Variants in RSL24D1 observed in about 807,000 individuals in gnomAD.
RSL24D1 encodes the protein probable ribosome biogenesis protein RLP24.
Under a neutral mutation model 26.2 loss-of-function variants are expected in RSL24D1, and 6 were observed. The ratio of observed to expected loss-of-function variants is 0.23; its 90% CI spans 0.13 to 0.45. The LOEUF (loss-of-function observed/expected upper bound fraction) is 0.45, where lower values mean the gene tolerates loss of function less well. Ranked by LOEUF, RSL24D1 falls within the 20% of genes least tolerant of loss-of-function variation. The pLI is 0.99. For synonymous variants in RSL24D1, 61 were observed against 59.1 expected (o/e 1.03, Z -0.15); for missense variants, 176 against 202.6 (o/e 0.87, Z 0.80).
At position 55,196,883 on chromosome 15, in the gene RSL24D1, A is replaced by C; in HGVS notation, c.8T>G (p.Ile3Ser). The C allele has an allele frequency of 6.2e-7, 1 of 1,614,196 alleles. No homozygotes were observed. The highest frequency in any genetic ancestry group is 1.1e-5 in the South Asian group (1 of 91,084). The change falls in exon 1 of 6, where the codon ATC (isoleucine) becomes AGC (serine). Residue 3 changes from isoleucine (I) to serine (S), a missense_variant. Transcript: ENST00000260443. ...CCCCGAACAGAAATAACACTTTTCG[A>C]TACGCATGTTGAACCCGCGTGTAAC... The part of the protein sequence containing the change: MR[I>S]EKCYFCSGPI...
intron 3 of RSL24D1, among the ~76,000 whole-genome samples, chr15:55,188,045 T>C (rs1894242284): frequency 1.3e-5 from 2 of 152,248 alleles, no homozygotes; most frequent in African/African-American, 4.8e-5. Context: ...TCTAACATAC[T>C]ACTGTTTCTA....
In RSL24D1 at chr15:55,196,937, G is replaced by A. The variant is rs979110754; in HGVS notation, c.-47C>T. 4.4e-6 allele frequency: 7 copies of A among 1,580,460 alleles called. No individual in the cohort carries two copies. The highest frequency in any genetic ancestry group is 1.1e-5 in the South Asian group (1 of 90,156). On this transcript the variant is annotated 5_prime_UTR_variant, in exon 1 of 6. Coordinates refer to ENST00000260443, the MANE Select transcript of RSL24D1 (RefSeq NM_016304.3). The stretch of plus-strand genomic sequence containing the variant: ...ACCAAACAAACGCCAAGCTTGAGAG[G>A]AAGTGATGCAACCCCGTCACCGGAA...
At chr15:55,195,351 T>G (rs1355592273) in intron 1 of RSL24D1, 1 of 152,206 alleles carries the variant, frequency 6.6e-6, no homozygotes, top group Non-Finnish European at 1.5e-5. Context: ...TCAGGAGATT[T>G]AGGTTTGGAA....
intron 1 of RSL24D1, chr15:55,196,562 C>A: frequency 1.7e-6 from 1 of 588,454 alleles, no homozygotes. Flanking sequence ...TGGGATCGCT[C>A]CTGAAGTTCC....
At chr15:55,186,692 TA>T (rs572684537) in intron 3 of RSL24D1, among the ~76,000 whole-genome samples, 74 of 152,302 alleles carry the variant, frequency 4.9e-4, no homozygotes, top group African/African-American at 1.7e-3. Context: ...AATTTTGCTA[TA>T]AAGGATATTA....
intron 5 of RSL24D1, among the ~76,000 whole-genome samples, chr15:55,182,470 C>T (rs896956003): frequency 6.6e-6 from 1 of 152,114 alleles, no homozygotes; most frequent in Non-Finnish European, 1.5e-5. Context: ...AAAACTGAGG[C>T]TCAAAGACAG....
At chr15:55,196,675 A>T in intron 1 of RSL24D1, 135 bp downstream of exon 1, 4 of 771,102 alleles carry the variant, frequency 5.2e-6, no homozygotes, top group Non-Finnish European at 8.6e-6. Flanking sequence ...AGGCCCAGTT[A>T]AGCCACCCTC....
chr15:55,189,193 CA>C (rs11320888), intron 3 of RSL24D1, among the ~76,000 whole-genome samples: 10,115 of 66,470 alleles, frequency 0.15, 423 homozygotes, highest in African/African-American at 0.27. Context: ...ACTCCCATCT[CA>C]AAAAAAAAAA....
chr15:55,195,853 G>C (rs1894349551), intron 1 of RSL24D1, among the ~76,000 whole-genome samples: 1 of 152,162 alleles, frequency 6.6e-6, no homozygotes, highest in South Asian at 2.1e-4. Flanking sequence ...GAAGAAGTCA[G>C]ACTTGTAATT....
At chr15:55,188,566 T>C (rs1170266992) in intron 3 of RSL24D1, among the ~76,000 whole-genome samples, 1 of 152,206 alleles carries the variant, frequency 6.6e-6, no homozygotes, top group African/African-American at 2.4e-5. Flanking sequence ...TTCATCTTTG[T>C]ATGCCACAGG....
At chr15:55,189,467 A>G (rs1267189632) in intron 3 of RSL24D1, among the ~76,000 whole-genome samples, 1 of 152,232 alleles carries the variant, frequency 6.6e-6, no homozygotes, top group African/African-American at 2.4e-5. Flanking sequence ...AGGGCTAAGT[A>G]CAGAAAAGGC....
intron 3 of RSL24D1, among the ~76,000 whole-genome samples, chr15:55,188,099 A>C (rs1477324149): frequency 1.3e-5 from 2 of 152,184 alleles, no homozygotes; most frequent in African/African-American, 4.8e-5. Context: ...CCATATCCTC[A>C]CACAATTTGA....
At chr15:55,192,677 T>G (rs756349351) in intron 2 of RSL24D1, 43 bp downstream of exon 2, 4 of 1,394,534 alleles carry the variant, frequency 2.9e-6, no homozygotes, top group Admixed American at 3.4e-5. Context: ...ATACTAAAAC[T>G]GTGAAACGTG....
At chr15:55,195,514 G>GT (rs1894345506) in intron 1 of RSL24D1, 1 of 152,220 alleles carries the variant, frequency 6.6e-6, no homozygotes, top group East Asian at 1.9e-4. Context: ...CTTCCACTGT[G>GT]TCTACCAAAT....
intron 5 of RSL24D1, 64 bp from the exon 6 acceptor site, chr15:55,182,289 AACAC>A: frequency 5.1e-6 from 5 of 985,544 alleles, no homozygotes; most frequent in Admixed American, 1.8e-5. Context: ...AATTCACACC[AACAC>A]TTTATAAAGG....
intron 2 of RSL24D1, among the ~76,000 whole-genome samples, chr15:55,191,400 T>C (rs923267115): frequency 1.3e-5 from 2 of 151,804 alleles, no homozygotes; most frequent in African/African-American, 2.4e-5. Flanking sequence ...TGTTGAACCA[T>C]ATGAAACTGC....
intron 1 of RSL24D1, among the ~76,000 whole-genome samples, chr15:55,195,024 CAA>C (rs34525957): frequency 0.063 from 3,045 of 47,968 alleles, 17 homozygotes; most frequent in Non-Finnish European, 0.092. Flanking sequence ...GACCCTGTCT[CAA>C]AAAAAAAAAA....
intron 4 of RSL24D1, among the ~76,000 whole-genome samples, chr15:55,184,536 C>T (rs575532088): frequency 2.0e-5 from 3 of 152,224 alleles, no homozygotes; most frequent in African/African-American, 4.8e-5. Flanking sequence ...GCAACAATCA[C>T]AACAATAGTA....
At chr15:55,190,023 G>A (rs974173960) in intron 3 of RSL24D1, among the ~76,000 whole-genome samples, 34 of 152,290 alleles carry the variant, frequency 2.2e-4, no homozygotes, top group African/African-American at 6.7e-4. Context: ...CAAGGTGGGA[G>A]GATCACTTGA....
Sources: gnomAD v4.1 joint callset for allele counts (sites outside exome capture counted in the v4.1 genomes callset) on GRCh38, gnomAD v4.1.1 for gene constraint, MANE v1.5 for transcripts, NCBI Gene and HGNC (gene_info 2026-07-23, HGNC 2026-07-21) for gene names.